The following TSHR variants were observed in gnomAD, a reference collection of about 807,000 sequenced individuals.
TSHR encodes the protein thyroid stimulating hormone receptor, also known as thyrotropin receptor.
Under a neutral mutation model 64.1 loss-of-function variants are expected in TSHR, and 51 were observed. The ratio of observed to expected loss-of-function variants is 0.80; its 90% confidence interval spans 0.64 to 1.01. The LOEUF is 1.01. Among genes scored for constraint, TSHR ranks in the 50% least tolerant of loss-of-function variants. The probability of loss-of-function intolerance (pLI) is 0.00; values close to 1 mark genes in which losing one functional copy is unlikely to be tolerated. For synonymous variants in TSHR, 361 were observed against 361.9 expected, an observed-to-expected ratio of 1.00 and a Z score of 0.03; for missense variants, 877 against 942.8, an observed-to-expected ratio of 0.93 and a Z score of 0.91.
intron 1 of TSHR, among the ~76,000 whole-genome samples, chr14:81,006,038 G>A (rs1184869013): frequency 1.3e-5 from 2 of 151,996 alleles, no homozygotes; most frequent in East Asian, 3.9e-4. Flanking sequence ...GGCATAACTG[G>A]GCTTCACAAT....
intron 1 of TSHR, among the ~76,000 whole-genome samples, chr14:81,026,106 T>C (rs1333020341): frequency 6.6e-6 from 1 of 152,200 alleles, no homozygotes; most frequent in African/African-American, 2.4e-5. Context: ...CAAGAAACTA[T>C]CTGTTTGGAA....
intron 7 of TSHR, among the ~76,000 whole-genome samples, chr14:81,108,065 A>C (rs575315748): frequency 1.1e-4 from 16 of 152,308 alleles, no homozygotes; most frequent in African/African-American, 3.6e-4. Flanking sequence ...AAAGAGAATT[A>C]AAAAATACAG....
chr14:81,018,873 C>T (rs1594958001), intron 1 of TSHR, among the ~76,000 whole-genome samples: 1 of 152,230 alleles, frequency 6.6e-6, no homozygotes, highest in South Asian at 2.1e-4. Context: ...CTAACCAACT[C>T]AGAAATTGAG....
At chr14:80,972,596 T>G (rs542273734) in intron 1 of TSHR, among the ~76,000 whole-genome samples, 2 of 152,276 alleles carry the variant, frequency 1.3e-5, no homozygotes, top group Non-Finnish European at 1.5e-5. Flanking sequence ...CCTCCTCCTC[T>G]CTCAGTTGAT....
chr14:80,995,904 T>C (rs1305224620), intron 1 of TSHR, among the ~76,000 whole-genome samples: 2 of 151,872 alleles, frequency 1.3e-5, no homozygotes, highest in African/African-American at 2.4e-5. Flanking sequence ...AACAGTAGGC[T>C]ATTGGTAGTT....
chr14:81,086,287 CAGTA>C (rs112510896), intron 3 of TSHR, among the ~76,000 whole-genome samples: 5,000 of 152,262 alleles, frequency 0.033, 240 homozygotes, highest in African/African-American at 0.1. Flanking sequence ...TTATTATAGA[CAGTA>C]AGCTGTGTGT....
At chr14:80,967,251 CCA>C (rs375941248) in intron 1 of TSHR, among the ~76,000 whole-genome samples, 3 of 146,482 alleles carry the variant, frequency 2.0e-5, no homozygotes, top group African/African-American at 5.0e-5. Context: ...GGATTTTGAG[CCA>C]CACACACACA....
rs1014682154 is a variant in TSHR, at chr14:81,007,124, A to G, written c.170+51274A>G. ...ACGTTGAAGTTCTAACCCTAATGTG[A>G]TGCTATCTGGAGATGGGGTCTTTGG... On this transcript the variant is annotated intron_variant, in intron 1 of 9. Transcript: ENST00000298171. Among the ~76,000 whole-genome samples the G allele has an allele frequency of 3.3e-5, 5 of 152,190 alleles. No homozygotes were observed. The South Asian group carries it at 1.0e-3, about 31-fold the overall frequency.
At chr14:81,068,425 T>C (rs1416793308) in intron 3 of TSHR, 97 bp downstream of exon 3, 41 of 1,134,232 alleles carry the variant, frequency 3.6e-5, no homozygotes, top group Non-Finnish European at 5.2e-5. Context: ...GGTTTCTTGA[T>C]TGTGAGTCAA....
chr14:81,114,113 T>C (rs1595136902), intron 8 of TSHR, among the ~76,000 whole-genome samples: 1 of 142,996 alleles, frequency 7.0e-6, no homozygotes, highest in East Asian at 2.0e-4. Flanking sequence ...CTGAGGAAGC[T>C]GACAGGCCCA....
chr14:81,036,641 TG>T (rs1403776084), intron 1 of TSHR, among the ~76,000 whole-genome samples: 1 of 151,956 alleles, frequency 6.6e-6, no homozygotes, highest in Non-Finnish European at 1.5e-5. Context: ...ATTACTAGTA[TG>T]AAAAAAAGAA....
chr14:81,124,443 C>G (rs2140072173), intron 8 of TSHR, among the ~76,000 whole-genome samples: 1 of 152,214 alleles, frequency 6.6e-6, no homozygotes, highest in African/African-American at 2.4e-5. Context: ...CTATATTACT[C>G]TAGCCTGATT....
At position 81,022,088 on chromosome 14, in the gene TSHR, C is replaced by G. The variant is rs1883787696; in HGVS notation, c.171-40060C>G. ...CCATCCTGGCTAACATGGTGAAACC[C>G]CGTCTCTACTAAAAATACAAAAAAA... On this transcript the variant is annotated intron_variant, in intron 1 of 9. Transcript: ENST00000298171. Among the ~76,000 whole-genome samples the G allele has an allele frequency of 2.1e-5, 3 of 144,990 alleles. No homozygotes were observed. In the South Asian group the frequency reaches 6.6e-4, roughly 32 times the overall value.
intron 9 of TSHR, among the ~76,000 whole-genome samples, 195 bp from the exon 10 acceptor site, chr14:81,142,745 G>A (rs374604923): frequency 6.6e-6 from 1 of 150,920 alleles, no homozygotes; most frequent in African/African-American, 2.4e-5. Flanking sequence ...GAGTAGCTAC[G>A]ACCATAGGCA....
At chr14:80,982,131 G>C (rs1286008106) in intron 1 of TSHR, 2 of 572,730 alleles carry the variant, frequency 3.5e-6, no homozygotes, top group African/African-American at 3.7e-5. Context: ...AGACAAGCCA[G>C]GGTCTCTGAC....
At chr14:81,124,502 C>T (rs773746436) in intron 8 of TSHR, among the ~76,000 whole-genome samples, 21 of 152,018 alleles carry the variant, frequency 1.4e-4, no homozygotes, top group Admixed American at 1.1e-3. Flanking sequence ...ATGCCTCACC[C>T]CACCTCCCAT....
At chr14:80,970,495 A>G (rs894905992) in intron 1 of TSHR, among the ~76,000 whole-genome samples, 1 of 152,222 alleles carries the variant, frequency 6.6e-6, no homozygotes, top group Admixed American at 6.5e-5. Flanking sequence ...TCCTTGCTCC[A>G]AAACTTTAAG....
At chr14:80,962,759 A>G (rs179244) in intron 1 of TSHR, among the ~76,000 whole-genome samples, 115,718 of 152,120 alleles carry the variant, frequency 0.76, 47,696 homozygotes, top group East Asian at 1. Flanking sequence ...TTCCCTAGTC[A>G]GGGAGGGAAG....
rs1396431543 is a variant in TSHR, at chr14:81,103,111, G to T, written c.615-5264G>T. 1 of 985,252 alleles carries T rather than the reference G, an allele frequency of 1.0e-6. No individual in the cohort carries two copies. The highest frequency in any genetic ancestry group is 1.2e-6 in the Non-Finnish European group (1 of 829,908). 61.0% of individuals were successfully genotyped at this position (985,252 alleles called of 1,614,324 possible). ...AAATCAAAATGATGGTTGTGATAAG[G>T]AGCCCTGGGACTGGAGGAAGACAAG... On this transcript the variant is annotated intron_variant, in intron 7 of 9. Coordinates refer to ENST00000298171, the MANE Select transcript of TSHR (RefSeq NM_000369.5). The surrounding 1 kb of genome is among the most constrained non-coding windows in gnomAD (Gnocchi z 4.1).
Sources: allele counts gnomAD v4.1 joint callset (sites outside exome capture counted in the v4.1 genomes callset), GRCh38; gene constraint gnomAD v4.1.1; non-coding constraint Gnocchi (gnomAD v3.1); transcripts MANE v1.5; gene names NCBI Gene and HGNC (gene_info 2026-07-23, HGNC 2026-07-21).